The following FTO variants were observed in gnomAD, a reference collection of about 807,000 sequenced individuals.
FTO encodes the protein alpha-ketoglutarate-dependent dioxygenase FTO.
A neutral mutation model predicts 63.9 loss-of-function variants in FTO; 47 were observed. The ratio of observed to expected loss-of-function variants is 0.74; its 90% CI spans 0.58 to 0.94. The LOEUF (loss-of-function observed/expected upper bound fraction) is 0.94. Among genes scored for constraint, FTO ranks in the 40% least tolerant of loss-of-function variants. The pLI is 0.00. For synonymous variants in FTO, 207 were observed against 224.4 expected, an observed-to-expected ratio of 0.92 and a Z score of 0.69; for missense variants, 562 against 618.1, an observed-to-expected ratio of 0.91 and a Z score of 0.96.
intron 8 of FTO, among the ~76,000 whole-genome samples, chr16:53,965,171 T>C (rs920997943): frequency 1.3e-5 from 2 of 152,152 alleles, no homozygotes; most frequent in Non-Finnish European, 2.9e-5. Context: ...CCTCCTGGGT[T>C]CAAGCGATTC....
intron 8 of FTO, among the ~76,000 whole-genome samples, chr16:54,064,628 A>G (rs1428432411): frequency 6.6e-6 from 1 of 152,218 alleles, no homozygotes; most frequent in Non-Finnish European, 1.5e-5. Context: ...TGGGGCAGGG[A>G]GAGACCATTG....
At chr16:53,869,198 C>T (rs80215945) in intron 4 of FTO, among the ~76,000 whole-genome samples, 2 of 151,322 alleles carry the variant, frequency 1.3e-5, no homozygotes, top group Non-Finnish European at 3.0e-5. Flanking sequence ...GTTTTTTTTT[C>T]CTCTCAACAC....
At chr16:53,819,975 G>T (rs1167393337) in intron 2 of FTO, among the ~76,000 whole-genome samples, 1 of 151,524 alleles carries the variant, frequency 6.6e-6, no homozygotes, top group Non-Finnish European at 1.5e-5. Flanking sequence ...CAAGTGATGT[G>T]GCTATAACAG....
At chr16:53,781,388 G>A (rs2077584522) in intron 1 of FTO, among the ~76,000 whole-genome samples, 1 of 152,210 alleles carries the variant, frequency 6.6e-6, no homozygotes, top group South Asian at 2.1e-4. Flanking sequence ...CTCATGAAAT[G>A]TAAACAGCCA....
chr16:53,815,636 G>GTTTTTTTTTTTTTTTTT (rs556357629), intron 2 of FTO, among the ~76,000 whole-genome samples: 10 of 98,160 alleles, frequency 1.0e-4, no homozygotes, highest in African/African-American at 4.9e-4. Context: ...TGACTTTCTT[G>GTTTTTTTTTTTTTTTTT]TTTTTTTTTT....
intron 8 of FTO, among the ~76,000 whole-genome samples, chr16:54,005,677 C>A: frequency 6.6e-6 from 1 of 152,108 alleles, no homozygotes; most frequent in African/African-American, 2.4e-5. Flanking sequence ...AAGTATTTAT[C>A]AAACAACTAC....
intron 8 of FTO, among the ~76,000 whole-genome samples, chr16:53,940,806 T>C (rs1186643708): frequency 6.6e-6 from 1 of 152,220 alleles, no homozygotes; most frequent in African/African-American, 2.4e-5. Context: ...ATCTTCCTCA[T>C]ATTGGTCTAA....
At chr16:53,988,444 GT>G (rs1388119788) in intron 8 of FTO, among the ~76,000 whole-genome samples, 4 of 152,048 alleles carry the variant, frequency 2.6e-5, no homozygotes, top group African/African-American at 9.7e-5. Flanking sequence ...ACTTTTAAGG[GT>G]TTTTTTAATC....
At chr16:53,799,564 C>A (rs2078166219) in intron 1 of FTO, among the ~76,000 whole-genome samples, 1 of 151,930 alleles carries the variant, frequency 6.6e-6, no homozygotes, top group East Asian at 1.9e-4. Context: ...TGTTCTTGGC[C>A]CAGTGTGGGG....
In FTO at chr16:54,008,805, A is replaced by AAAT. The variant is rs142826263; in HGVS notation, c.1364+74750_1364+74752dup. Among the ~76,000 whole-genome samples the AAAT allele has an allele frequency of 5.4e-3, 758 of 140,978 alleles. 3 individuals are homozygous for AAAT. Among genetic ancestry groups the AAAT allele is most frequent in the Non-Finnish European group, 7.0e-3 (457 of 65,492 alleles). The allele number at this position is 140,978 out of a possible 152,430, so 92.5% of individuals were successfully genotyped here. ...TAACCAAGTGAGACCCTGTCTCCAC[A>AAAT]AATAATAATAATAATAATAATAATA... On this transcript the variant is annotated intron_variant, in intron 8 of 8. Coordinates refer to ENST00000471389, the MANE Select transcript of FTO (RefSeq NM_001080432.3).
chr16:53,940,848 C>G (rs1272987312), intron 8 of FTO, among the ~76,000 whole-genome samples: 1 of 151,770 alleles, frequency 6.6e-6, no homozygotes, highest in African/African-American at 2.4e-5. Flanking sequence ...GGTAAAACAA[C>G]GGTCTTATTA....
chr16:53,925,391 T>G (rs1202317524), intron 7 of FTO, among the ~76,000 whole-genome samples: 1 of 152,058 alleles, frequency 6.6e-6, no homozygotes, highest in Non-Finnish European at 1.5e-5. Flanking sequence ...GATGGGTAGA[T>G]GGGGAGGTCA....
chr16:54,058,313 G>A (rs774474096), intron 8 of FTO, among the ~76,000 whole-genome samples: 4 of 152,020 alleles, frequency 2.6e-5, no homozygotes, highest in Admixed American at 1.3e-4. Context: ...AATAGAGATG[G>A]GGTTTTGCCA....
At chr16:54,061,011 C>A (rs1357824094) in intron 8 of FTO, among the ~76,000 whole-genome samples, 1 of 152,142 alleles carries the variant, frequency 6.6e-6, no homozygotes, top group Admixed American at 6.5e-5. Flanking sequence ...GGCAACAGAC[C>A]AGGCATCACT....
At chr16:53,979,570 C>A (rs1202154053) in intron 8 of FTO, 3 of 383,488 alleles carry the variant, frequency 7.8e-6, no homozygotes, top group African/African-American at 2.1e-5. Context: ...TGTGTGTGCG[C>A]GCGTGTGTGA....
At chr16:53,969,657 C>A (rs2143712144) in intron 8 of FTO, among the ~76,000 whole-genome samples, 1 of 152,286 alleles carries the variant, frequency 6.6e-6, no homozygotes, top group Middle Eastern at 3.4e-3. Flanking sequence ...CCAGTGTCAC[C>A]TCTCTACTAC....
chr16:54,035,743 A>G (rs1415036609), intron 8 of FTO, among the ~76,000 whole-genome samples: 3 of 152,212 alleles, frequency 2.0e-5, no homozygotes, highest in African/African-American at 7.2e-5. Flanking sequence ...TGACAAACCC[A>G]AGAATATTCT....
At chr16:53,882,977 C>T (rs1387219655) in intron 6 of FTO, among the ~76,000 whole-genome samples, 1 of 152,114 alleles carries the variant, frequency 6.6e-6, no homozygotes, top group Non-Finnish European at 1.5e-5. Context: ...GGGTGTTCTA[C>T]TTTCTCTCTT....
chr16:53,944,124 G>C (rs2082601942), intron 8 of FTO, among the ~76,000 whole-genome samples: 1 of 152,118 alleles, frequency 6.6e-6, no homozygotes, highest in Admixed American at 6.5e-5. Context: ...GTCATGCGTT[G>C]GTTCTGCAAA....
Sources: allele counts gnomAD v4.1 joint callset (sites outside exome capture counted in the v4.1 genomes callset), GRCh38; gene constraint gnomAD v4.1.1; transcripts MANE v1.5; gene names NCBI Gene and HGNC (gene_info 2026-07-23, HGNC 2026-07-21).